Variants in HMGXB3 observed in about 807,000 individuals in gnomAD.
HMGXB3 encodes HMG domain-containing protein 3.
HMGXB3 carries 45 observed loss-of-function variants against 121.5 expected under a neutral mutation model. The observed-to-expected ratio is 0.37, with a 90% CI of 0.29 to 0.47. The LOEUF is 0.47. Among genes scored for constraint, HMGXB3 ranks in the 20% least tolerant of loss-of-function variants. HMGXB3 has a pLI of 0.99. For synonymous variants in HMGXB3, 590 were observed against 624.1 expected (o/e 0.95, Z 0.81); for missense variants, 1,376 against 1,602.2 (o/e 0.86, Z 2.41).
chr5:150,026,618 C>A, intron 7 of HMGXB3, 88 bp from the exon 8 acceptor site: 1 of 1,138,834 alleles, frequency 8.8e-7, no homozygotes, highest in Non-Finnish European at 1.2e-6. Context: ...CCAATACTAT[C>A]CTCTAAGAAA....
At chr5:150,009,571 C>T (rs772550990) in intron 3 of HMGXB3, among the ~76,000 whole-genome samples, 12 of 152,184 alleles carry the variant, frequency 7.9e-5, no homozygotes, top group South Asian at 2.1e-4. Flanking sequence ...CCAGTGAGGT[C>T]AGAATGCTTA....
Position 150,051,774 on chromosome 5 carries a change from C to T in HMGXB3, c.3461C>T (p.Thr1154Ile). The T allele has an allele frequency of 6.5e-7, 1 of 1,543,748 alleles. No individual in the cohort carries two copies. ...LLDQHYTVDM[T>I]ETEHSIQHPV... ...GACCAGCATTATACTGTGGACATGA[C>T]AGAAACTGAGCACTCTATCCAGCAC... Residue 1154 changes from threonine (T) to isoleucine (I), a missense_variant, in exon 20 of 20, where the codon ACA (threonine) becomes ATA (isoleucine). Physicochemically the swap from Thr to Ile is moderately conservative, Grantham distance 89. Transcript: ENST00000502717.
intron 5 of HMGXB3, among the ~76,000 whole-genome samples, chr5:150,012,828 AT>A: frequency 6.6e-6 from 1 of 152,284 alleles, no homozygotes; most frequent in South Asian, 2.1e-4. Flanking sequence ...GCTGAGATTT[AT>A]CCCTGTTTAT....
intron 10 of HMGXB3, 150 bp downstream of exon 10, chr5:150,030,989 CT>C: frequency 1.7e-6 from 1 of 603,662 alleles, no homozygotes; most frequent in Non-Finnish European, 3.0e-6. Flanking sequence ...GATCCCATCC[CT>C]GATGCAAATA....
chr5:150,051,617 A>T (rs1252358980), intron 19 of HMGXB3, 108 bp from the exon 20 acceptor site: 1 of 855,268 alleles, frequency 1.2e-6, no homozygotes, highest in East Asian at 2.7e-5. Context: ...GTACATGGTG[A>T]TGTTAGGATT....
chr5:150,004,820 GA>G (rs766207781), intron 1 of HMGXB3, 30 bp from the exon 2 acceptor site: 43 of 1,485,710 alleles, frequency 2.9e-5, no homozygotes, highest in Middle Eastern at 1.7e-4. Flanking sequence ...GGAGATTCTG[GA>G]AACTTTATTT....
chr5:150,021,701 T>G, intron 6 of HMGXB3: 1 of 515,692 alleles, frequency 1.9e-6, no homozygotes, highest in Non-Finnish European at 3.8e-6. Flanking sequence ...CATTCCTATG[T>G]CTTAGAACCT....
In HMGXB3 at chr5:150,028,410, A is replaced by G. The variant is rs374868209; in HGVS notation, c.1734+1293A>G. On this transcript the variant is annotated intron_variant, in intron 9 of 19. Transcript: ENST00000502717. ...ATTTTCTTTTCACAGACCCGATTTT[A>G]TATATATATATATGTATATATATAT... is the stretch of plus-strand genomic sequence containing the variant. Among the ~76,000 whole-genome samples the G allele has an allele frequency of 8.4e-5, 12 of 142,886 alleles. No individual in the cohort carries two copies. In the East Asian group the frequency reaches 1.6e-3, roughly 19 times the overall value. 93.7% of individuals were successfully genotyped at this position (142,886 alleles called of 152,430 possible). A position where few individuals can be genotyped will look rare whatever the true frequency, so the allele number is the denominator to read the frequency against.
In HMGXB3 at chr5:150,051,864, C is replaced by G. The variant is rs532824675; in HGVS notation, c.3551C>G (p.Pro1184Arg). The G allele has an allele frequency of 3.2e-6, 5 of 1,551,196 alleles. No homozygotes were observed. The African/African-American group carries it at 5.5e-5, about 17-fold the overall frequency. ...GGCCTACAGCCCAATCCTGGTGACC[C>G]CAGTGCTGGGCACCACTCCTTGGCC... is the stretch of plus-strand genomic sequence containing the variant. The part of the protein sequence containing the change: ...HAGLQPNPGD[P>R]SAGHHSLALC... The change falls in exon 20 of 20, where the codon CCC becomes CGC. Residue 1184 changes from proline (P) to arginine (R), a missense_variant. Around this residue, in one of 2 missense-constraint regions of HMGXB3, gnomAD observed 260 missense variants for 233.2 expected, o/e 1.11. Transcript: ENST00000502717.
At position 150,013,770 on chromosome 5, in the gene HMGXB3, C is replaced by T. The variant is rs1755897055; in HGVS notation, c.909+1417C>T. Reference sequence around the variant, plus strand: ...AAGGAATTTGTCCATTTCATTTAGGCTGTTAAATTTATTGACATAAAGTTG... The same window carrying T: ...AAGGAATTTGTCCATTTCATTTAGGTTGTTAAATTTATTGACATAAAGTTG... On this transcript the variant is annotated intron_variant, in intron 5 of 19. Transcript: ENST00000502717. Among the ~76,000 whole-genome samples, 6 of 152,180 alleles carry T rather than the reference C, an allele frequency of 3.9e-5. No homozygotes were observed. The South Asian group carries it at 1.2e-3, about 32-fold the overall frequency.
chr5:150,036,528 A>G, intron 11 of HMGXB3, 108 bp from the exon 12 acceptor site: 3 of 989,888 alleles, frequency 3.0e-6, no homozygotes, highest in South Asian at 1.8e-5. Context: ...TTTGCCACCT[A>G]TCAGTCATGG....
In HMGXB3 at chr5:150,050,333, C is replaced by T. The variant is rs745642568; in HGVS notation, c.3283C>T (p.Pro1095Ser). The change falls in exon 19 of 20, where the codon CCG (proline) becomes TCG (serine). Residue 1095 changes from proline to serine, a missense_variant. Pro to Ser is a moderately conservative substitution (Grantham distance 74). This residue lies in a region of HMGXB3 where 1,116 missense variants were observed against 1,369.0 expected (regional missense o/e 0.82). Coordinates refer to ENST00000502717, the MANE Select transcript of HMGXB3 (RefSeq NM_014983.3). ...CCTGCTTGCCTCTTCCCGCCACTGG[C>T]CGCCTGTCTATGTGGTAGATATGGC... ...VDLLASSRHW[P>S]PVYVVDMATS... is the part of the protein sequence containing the mutation. 1 of 1,551,882 alleles carries T rather than the reference C, an allele frequency of 6.4e-7. No homozygotes were observed. The highest frequency in any genetic ancestry group is 1.2e-5 in the South Asian group (1 of 84,066).
intron 13 of HMGXB3, among the ~76,000 whole-genome samples, chr5:150,038,844 A>C (rs1267748744): frequency 6.6e-6 from 1 of 152,146 alleles, no homozygotes; most frequent in Non-Finnish European, 1.5e-5. Context: ...GCTGTTCCCC[A>C]TGGGAGGATA....
At position 150,026,720 on chromosome 5, in the gene HMGXB3, C is replaced by A. The variant is rs1178028572; in HGVS notation, c.1475C>A (p.Thr492Asn). Residue 492 changes from threonine to asparagine, a missense_variant, in exon 8 of 20, where the codon ACC (threonine) becomes AAC (asparagine). This residue lies in a region of HMGXB3 where 1,116 missense variants were observed against 1,369.0 expected (regional missense o/e 0.82). Coordinates refer to ENST00000502717, the MANE Select transcript of HMGXB3 (RefSeq NM_014983.3). ...ATTCTTTTCAGAGCTGACCTGCTTACCCCTGGGTCCAGAGCTCCAGAGCTT... is the reference window on the plus strand; with the variant it reads ...ATTCTTTTCAGAGCTGACCTGCTTAACCCTGGGTCCAGAGCTCCAGAGCTT... ...PKKPTGADLL[T>N]PGSRAPELKG... The A allele has an allele frequency of 1.9e-6, 3 of 1,550,536 alleles. No homozygotes were observed. In the African/African-American group the frequency reaches 4.1e-5, roughly 21 times the overall value.
chr5:150,046,114 AG>A (rs1756749898), intron 16 of HMGXB3, among the ~76,000 whole-genome samples: 1 of 152,202 alleles, frequency 6.6e-6, no homozygotes, highest in Admixed American at 6.5e-5. Flanking sequence ...GTAAGAGGAT[AG>A]GTTTCTAACA....
At chr5:150,014,944 C>A in intron 5 of HMGXB3, 1 of 947,734 alleles carries the variant, frequency 1.1e-6, no homozygotes, top group Non-Finnish European at 1.4e-6. Flanking sequence ...ATGAAATGTT[C>A]CCATATTCTC....
chr5:150,008,224 T>C (rs1755753879), intron 3 of HMGXB3, among the ~76,000 whole-genome samples: 1 of 152,208 alleles, frequency 6.6e-6, no homozygotes, highest in African/African-American at 2.4e-5. Context: ...CTGCAATGAT[T>C]CTTCCTTATT....
chr5:150,016,928 A>C (rs1373549015), intron 5 of HMGXB3, among the ~76,000 whole-genome samples: 1 of 152,238 alleles, frequency 6.6e-6, no homozygotes. Flanking sequence ...TTTTTAACTT[A>C]TAAGTTTATC....
intron 6 of HMGXB3, among the ~76,000 whole-genome samples, chr5:150,019,598 G>T (rs1382211951): frequency 6.6e-6 from 1 of 152,192 alleles, no homozygotes; most frequent in Non-Finnish European, 1.5e-5. Flanking sequence ...ACCTAGTTCA[G>T]AGAGGAGAGA....
Sources: gnomAD v4.1 joint callset for allele counts (sites outside exome capture counted in the v4.1 genomes callset) on GRCh38, gnomAD v4.1.1 for gene constraint, gnomAD v4.1.1 regional missense constraint, MANE v1.5 for transcripts, NCBI Gene and HGNC (gene_info 2026-07-23, HGNC 2026-07-21) for gene names.